Variants in PTPN14 observed in about 807,000 individuals in gnomAD.
PTPN14 encodes the protein tyrosine-protein phosphatase non-receptor type 14.
Under a neutral mutation model 126.8 loss-of-function variants are expected in PTPN14, and 53 were observed. That is an observed-to-expected ratio of 0.42 (90% CI 0.34 to 0.53). The LOEUF (loss-of-function observed/expected upper bound fraction) is 0.53. PTPN14 is among the 20% of genes least tolerant of loss of function. The pLI, the probability that PTPN14 is intolerant of heterozygous loss-of-function variation, is 0.08. For missense variants in PTPN14, 1,257 were observed against 1,552.9 expected (o/e 0.81, Z 3.20); for synonymous variants, 630 against 599.3 (o/e 1.05, Z -0.75).
intron 3 of PTPN14, among the ~76,000 whole-genome samples, chr1:214,415,247 A>C (rs1659399996): frequency 6.6e-6 from 1 of 152,228 alleles, no homozygotes; most frequent in Non-Finnish European, 1.5e-5. Flanking sequence ...ATCTAATCTG[A>C]TGCAACTTTC....
chr1:214,363,436 T>A (rs1032578316), intron 18 of PTPN14, among the ~76,000 whole-genome samples: 28 of 152,262 alleles, frequency 1.8e-4, no homozygotes, highest in Non-Finnish European at 3.8e-4. Flanking sequence ...TATTATCATA[T>A]AAATTCCTCC....
At chr1:214,370,655 T>C (rs1033395208) in intron 16 of PTPN14, among the ~76,000 whole-genome samples, 2 of 152,234 alleles carry the variant, frequency 1.3e-5, no homozygotes, top group African/African-American at 4.8e-5. Context: ...TCTTTCTCCC[T>C]TGATTTTATA....
intron 1 of PTPN14, among the ~76,000 whole-genome samples, chr1:214,509,259 T>C (rs187422751): frequency 6.6e-6 from 1 of 152,362 alleles, no homozygotes; most frequent in East Asian, 1.9e-4. Context: ...TCAGTGATCT[T>C]AGCTAGATCT....
chr1:214,402,849 G>A, intron 6 of PTPN14, 34 bp downstream of exon 6: 1 of 1,606,214 alleles, frequency 6.2e-7, no homozygotes, highest in Middle Eastern at 1.8e-4. Flanking sequence ...AACATCTGTT[G>A]TGCAGGCAGC....
intron 1 of PTPN14, among the ~76,000 whole-genome samples, chr1:214,465,414 A>AAT (rs925510093): frequency 2.6e-5 from 4 of 152,170 alleles, no homozygotes; most frequent in African/African-American, 9.7e-5. Context: ...GTCCAAAACC[A>AAT]GCCTGGACAA....
At chr1:214,434,994 A>C (rs1558100903) in intron 3 of PTPN14, among the ~76,000 whole-genome samples, 1 of 152,182 alleles carries the variant, frequency 6.6e-6, no homozygotes, top group Non-Finnish European at 1.5e-5. Flanking sequence ...ACAAGAGGAG[A>C]ATCTGTACAA....
At chr1:214,498,480 T>C (rs78061338) in intron 1 of PTPN14, among the ~76,000 whole-genome samples, 4 of 143,250 alleles carry the variant, frequency 2.8e-5, no homozygotes, top group East Asian at 3.8e-4. Flanking sequence ...ATTATCCATA[T>C]TTTTTCAACC....
chr1:214,485,829 C>T (rs1361819892), intron 1 of PTPN14, among the ~76,000 whole-genome samples: 1 of 152,082 alleles, frequency 6.6e-6, no homozygotes, highest in Non-Finnish European at 1.5e-5. Flanking sequence ...GGGTTCACGC[C>T]ATTCTCCTAC....
At chr1:214,386,988 G>A (rs1658633823) in intron 11 of PTPN14, 66 bp from the exon 12 acceptor site, 17 of 1,430,518 alleles carry the variant, frequency 1.2e-5, no homozygotes, top group South Asian at 3.6e-5. Context: ...TCACACAGCC[G>A]GCCCAGGCAC....
At chr1:214,489,110 A>C (rs1487271497) in intron 1 of PTPN14, among the ~76,000 whole-genome samples, 3 of 152,184 alleles carry the variant, frequency 2.0e-5, no homozygotes, top group African/African-American at 4.8e-5. Context: ...AGTGACAATA[A>C]TGATGGTGAT....
At chr1:214,441,343 G>C (rs1310585751) in intron 3 of PTPN14, among the ~76,000 whole-genome samples, 1 of 152,178 alleles carries the variant, frequency 6.6e-6, no homozygotes, top group Admixed American at 6.5e-5. Context: ...GAACCACACA[G>C]AACTATAATA....
chr1:214,376,568 G>T, intron 14 of PTPN14, 131 bp from the exon 15 acceptor site: 1 of 757,770 alleles, frequency 1.3e-6, no homozygotes, highest in Non-Finnish European at 2.1e-6. Context: ...TGCTTGGTTT[G>T]TCTCATTATC....
intron 3 of PTPN14, among the ~76,000 whole-genome samples, chr1:214,445,112 A>G (rs1660113352): frequency 6.6e-6 from 1 of 152,228 alleles, no homozygotes; most frequent in South Asian, 2.1e-4. Flanking sequence ...GATAACTGCT[A>G]GGCAGTTTTA....
intron 3 of PTPN14, among the ~76,000 whole-genome samples, chr1:214,437,731 T>C (rs17022940): frequency 0.039 from 5,953 of 152,258 alleles, 376 homozygotes; most frequent in African/African-American, 0.13. Context: ...TCTAAATTCC[T>C]CAGCCTGAAC....
chr1:214,477,186 A>G (rs1187624585), intron 1 of PTPN14, among the ~76,000 whole-genome samples: 1 of 152,224 alleles, frequency 6.6e-6, no homozygotes, highest in Non-Finnish European at 1.5e-5. Context: ...CTCCAGAGCC[A>G]AGAAGCTGAA....
intron 1 of PTPN14, among the ~76,000 whole-genome samples, chr1:214,520,103 G>T (rs1284520087): frequency 7.3e-6 from 1 of 137,456 alleles, no homozygotes; most frequent in Admixed American, 7.4e-5. Flanking sequence ...ATGCAGAACA[G>T]TCAGGTATGA....
intron 1 of PTPN14, among the ~76,000 whole-genome samples, chr1:214,505,877 C>T (rs1055218827): frequency 6.6e-6 from 1 of 152,046 alleles, no homozygotes; most frequent in Non-Finnish European, 1.5e-5. Context: ...GCCTGGACAA[C>T]AGAGTTAGAC....
At chr1:214,402,593 C>T (rs895617873) in intron 6 of PTPN14, among the ~76,000 whole-genome samples, 2 of 141,788 alleles carry the variant, frequency 1.4e-5, no homozygotes, top group Non-Finnish European at 3.0e-5. Context: ...GGTCTTCACT[C>T]TCTCAGCACA....
At chr1:214,416,907 T>C (rs1659439837) in intron 3 of PTPN14, among the ~76,000 whole-genome samples, 1 of 152,172 alleles carries the variant, frequency 6.6e-6, no homozygotes, top group Admixed American at 6.5e-5. Context: ...TTATTTCTCA[T>C]TAGCGATTCA....
Sources: gnomAD v4.1 joint callset for allele counts (sites outside exome capture counted in the v4.1 genomes callset) on GRCh38, gnomAD v4.1.1 for gene constraint, MANE v1.5 for transcripts, NCBI Gene and HGNC (gene_info 2026-07-23, HGNC 2026-07-21) for gene names.